The following MGLL variants were observed in gnomAD, a reference collection of about 807,000 sequenced individuals.
MGLL encodes the protein monoglyceride lipase.
Under a neutral mutation model 29.1 loss-of-function variants are expected in MGLL, and 7 were observed. The observed-to-expected ratio is 0.24, with a 90% confidence interval of 0.14 to 0.45. MGLL has a LOEUF of 0.45. Ranked by LOEUF, MGLL falls within the 20% of genes least tolerant of loss-of-function variation. The pLI is 0.99. For synonymous variants in MGLL, 148 were observed against 168.3 expected, an observed-to-expected ratio of 0.88 and a Z score of 0.93; for missense variants, 356 against 413.6, an observed-to-expected ratio of 0.86 and a Z score of 1.21.
chr3:127,721,060 G>T lies in MGLL; in HGVS notation c.503C>A (p.Thr168Asn). 1 of 1,614,094 alleles carries T rather than the reference G, an allele frequency of 6.2e-7. No homozygotes were observed. The highest frequency in any genetic ancestry group is 8.5e-7 in the Non-Finnish European group (1 of 1,179,906). The change falls in exon 5 of 8, where the codon ACT becomes AAT. Residue 168 changes from threonine to asparagine, a missense_variant. Physicochemically the swap from Thr to Asn is moderately conservative, Grantham distance 65 (BLOSUM62 0). Coordinates refer to ENST00000265052, the MANE Select transcript of MGLL (RefSeq NM_007283.7). ...ACTGGAAGGTCCTTTTACCTTGAAA[G>T]TTGTTGCAGATTCAGGATTGGCAAG... ...LVLANPESAT[T>N]FKVLAAKVLN... is the part of the protein sequence containing the mutation.
chr3:127,818,730 C>G (rs993142869), intron 2 of MGLL, among the ~76,000 whole-genome samples: 35 of 152,172 alleles, frequency 2.3e-4, no homozygotes, highest in African/African-American at 8.4e-4. Flanking sequence ...CTACTGCCAG[C>G]AGGGTCATTT....
chr3:127,717,573 G>T (rs1167143571), intron 5 of MGLL, among the ~76,000 whole-genome samples: 1 of 152,228 alleles, frequency 6.6e-6, no homozygotes, highest in Non-Finnish European at 1.5e-5. Context: ...TTGGCGGAGA[G>T]TGGGAGTATC....
intron 3 of MGLL, among the ~76,000 whole-genome samples, chr3:127,779,606 C>T (rs2077089924): frequency 6.6e-6 from 1 of 151,882 alleles, no homozygotes; most frequent in Non-Finnish European, 1.5e-5. Flanking sequence ...GGGCTCCAGG[C>T]CTTATTAAAT....
At chr3:127,706,140 C>T (rs28532288) in intron 6 of MGLL, among the ~76,000 whole-genome samples, 37,468 of 152,068 alleles carry the variant, frequency 0.25, 4,905 homozygotes, top group Middle Eastern at 0.49. Flanking sequence ...ATATCTGCAC[C>T]GCCACGGGCA....
At chr3:127,798,661 G>A (rs989774278) in intron 2 of MGLL, among the ~76,000 whole-genome samples, 3 of 152,070 alleles carry the variant, frequency 2.0e-5, no homozygotes, top group Non-Finnish European at 4.4e-5. Flanking sequence ...ACTCAAATCT[G>A]TGCTCACACA....
Position 127,822,513 on chromosome 3 carries a change from T to C in MGLL, c.-195A>G. 1.6e-6 allele frequency: 1 copy of C among 619,094 alleles called. No individual in the cohort carries two copies. Among genetic ancestry groups the C allele is most frequent in the South Asian group, 1.9e-5 (1 of 53,300 alleles). The allele number at this position is 619,094 out of a possible 1,614,324, so 38.4% of individuals were successfully genotyped here. A position where few individuals can be genotyped will look rare whatever the true frequency, so the allele number is the denominator to read the frequency against. On this transcript the variant is annotated 5_prime_UTR_variant, in exon 1 of 8. Transcript: ENST00000265052. ...GCTTCCAGCTCCCACCGGCAGGCTC[T>C]CCGGGGCTCCCCTCCCTCCCCAGGG...
In MGLL at chr3:127,822,472, G is replaced by T; in HGVS notation, c.-154C>A. ...CAGACCCTGCCTTTCGGGCTGGGGC[G>T]CTCAGCCGGGAGCCTGCTTCCAGCT... On this transcript the variant is annotated 5_prime_UTR_variant, in exon 1 of 8. Transcript: ENST00000265052. 1.3e-6 allele frequency: 1 copy of T among 756,770 alleles called. No homozygotes were observed. The allele number at this position is 756,770 out of a possible 1,614,324, so 46.9% of individuals were successfully genotyped here. A position where few individuals can be genotyped will look rare whatever the true frequency, so the allele number is the denominator to read the frequency against.
chr3:127,716,399 G>T (rs2075816421), intron 5 of MGLL, among the ~76,000 whole-genome samples: 1 of 152,190 alleles, frequency 6.6e-6, no homozygotes, highest in South Asian at 2.1e-4. Flanking sequence ...CTAAGGAGAG[G>T]CCCAATAAAT....
rs541706724 is a variant in MGLL at position 127,737,794 on chromosome 3, A to G, written c.263-15228T>C. 6.7e-4 allele frequency among the ~76,000 whole-genome samples: 102 copies of G among 151,412 alleles called. 1 individual carries two copies. Among genetic ancestry groups the G allele is most frequent in the African/African-American group, 2.4e-3 (100 of 41,236 alleles). ...CAAGTAGCTGGGATTACAGGCATGC[A>G]CCACCACACCTGGCTAATTTTTTGT... On this transcript the variant is annotated intron_variant, in intron 3 of 7. Transcript: ENST00000265052.
intron 6 of MGLL, among the ~76,000 whole-genome samples, chr3:127,708,501 G>T (rs1234168496): frequency 6.6e-6 from 1 of 152,124 alleles, no homozygotes; most frequent in Middle Eastern, 3.2e-3. Context: ...TCTCATTATT[G>T]CAAAAAGGAG....
Position 127,775,299 on chromosome 3 carries a change from G to T in MGLL, c.262+6490C>A, listed in dbSNP as rs546429038. On this transcript the variant is annotated intron_variant, in intron 3 of 7. Transcript: ENST00000265052. ...TATTTTAATTCTCATATTTACTAAG[G>T]CAAGAAAAACGGTTAACACATTTTT... is the stretch of plus-strand genomic sequence containing the variant. Among the ~76,000 whole-genome samples, 14 of 152,154 alleles carry T rather than the reference G, an allele frequency of 9.2e-5. No individual in the cohort carries two copies. The South Asian group carries it at 2.9e-3, about 32-fold the overall frequency.
chr3:127,715,977 GC>G (rs1218239268), intron 5 of MGLL: 1 of 371,394 alleles, frequency 2.7e-6, no homozygotes, highest in Non-Finnish European at 5.4e-6. Context: ...GGAGAGAGGA[GC>G]CCCTGCATGG....
intron 2 of MGLL, among the ~76,000 whole-genome samples, chr3:127,788,319 T>C (rs2077247119): frequency 6.6e-6 from 1 of 152,136 alleles, no homozygotes; most frequent in South Asian, 2.1e-4. Context: ...TGGGTACTGT[T>C]ATTACCCCAT....
intron 2 of MGLL, among the ~76,000 whole-genome samples, chr3:127,793,435 C>T (rs775008602): frequency 2.6e-5 from 4 of 152,290 alleles, no homozygotes; most frequent in South Asian, 2.1e-4. Flanking sequence ...GGCCAGGCAC[C>T]GGGCTAAGGG....
At chr3:127,758,877 G>T (rs1158571640) in intron 3 of MGLL, among the ~76,000 whole-genome samples, 1 of 151,710 alleles carries the variant, frequency 6.6e-6, no homozygotes, top group Non-Finnish European at 1.5e-5. Flanking sequence ...TATTCTGGGG[G>T]CTCCTGGCAC....
chr3:127,798,260 AG>A (rs531538014), intron 2 of MGLL, among the ~76,000 whole-genome samples: 60 of 152,312 alleles, frequency 3.9e-4, no homozygotes, highest in African/African-American at 1.3e-3. Flanking sequence ...GCAGGAAAGC[AG>A]GAGCCTGTTC....
chr3:127,735,554 A>T, intron 3 of MGLL: 1 of 807,234 alleles, frequency 1.2e-6, no homozygotes, highest in Non-Finnish European at 1.9e-6. Flanking sequence ...AAGCAAATAT[A>T]CATATTTTTA....
chr3:127,819,956 G>A (rs541078716), intron 2 of MGLL, among the ~76,000 whole-genome samples: 4 of 152,240 alleles, frequency 2.6e-5, no homozygotes, highest in East Asian at 1.9e-4. Flanking sequence ...GGCAGGGCAG[G>A]ACAGGTAGGT....
chr3:127,745,317 G>A (rs1238258217), intron 3 of MGLL, among the ~76,000 whole-genome samples: 1 of 152,192 alleles, frequency 6.6e-6, no homozygotes, highest in Non-Finnish European at 1.5e-5. Flanking sequence ...TAAACAGATG[G>A]CTGGATAAAG....
Sources: gnomAD v4.1 joint callset for allele counts (sites outside exome capture counted in the v4.1 genomes callset) on GRCh38, gnomAD v4.1.1 for gene constraint, MANE v1.5 for transcripts, NCBI Gene and HGNC (gene_info 2026-07-23, HGNC 2026-07-21) for gene names.